BCAS3: variants seen among roughly 807,000 people sequenced by gnomAD.
BCAS3 encodes BCAS4/BCAS3 fusion.
A neutral mutation model predicts 116.1 loss-of-function variants in BCAS3; 53 were observed. That is an observed-to-expected ratio of 0.46 (90% confidence interval 0.37 to 0.57). The LOEUF (loss-of-function observed/expected upper bound fraction) is 0.57, where lower values mean the gene tolerates loss of function less well. Ranked by LOEUF, BCAS3 falls within the 20% of genes least tolerant of loss-of-function variation. The pLI is 0.00. For synonymous variants in BCAS3, 391 were observed against 408.2 expected, an observed-to-expected ratio of 0.96 and a Z score of 0.51; for missense variants, 917 against 1,165.4, an observed-to-expected ratio of 0.79 and a Z score of 3.10.
intron 22 of BCAS3, among the ~76,000 whole-genome samples, chr17:61,330,478 G>T (rs571070302): frequency 6.6e-6 from 1 of 152,204 alleles, no homozygotes; most frequent in Non-Finnish European, 1.5e-5. Flanking sequence ...GCCCCCAAAT[G>T]CAGGCCTTCA....
intron 22 of BCAS3, among the ~76,000 whole-genome samples, chr17:61,089,855 A>G (rs1667659657): frequency 6.6e-6 from 1 of 151,956 alleles, no homozygotes; most frequent in Non-Finnish European, 1.5e-5. Flanking sequence ...TTCTAAGATT[A>G]TATTTCACTG....
intron 13 of BCAS3, among the ~76,000 whole-genome samples, chr17:60,934,809 G>A (rs1317773772): frequency 6.6e-6 from 1 of 152,098 alleles, no homozygotes; most frequent in Non-Finnish European, 1.5e-5. Flanking sequence ...CCTGTGGTCG[G>A]GAGCAGTGAG....
At chr17:60,710,555 T>C (rs1029853142) in intron 5 of BCAS3, among the ~76,000 whole-genome samples, 7 of 151,218 alleles carry the variant, frequency 4.6e-5, no homozygotes, top group South Asian at 4.2e-4. Context: ...CCTCAGCCTC[T>C]CAAGTAGCTG....
intron 22 of BCAS3, among the ~76,000 whole-genome samples, chr17:61,184,465 A>T (rs756498218): frequency 6.6e-6 from 1 of 152,192 alleles, no homozygotes; most frequent in Non-Finnish European, 1.5e-5. Flanking sequence ...GCTGGTGAGG[A>T]TGTGAAGAAA....
chr17:61,006,748 T>G (rs2064743869), intron 15 of BCAS3, among the ~76,000 whole-genome samples: 1 of 152,050 alleles, frequency 6.6e-6, no homozygotes, highest in African/African-American at 2.4e-5. Context: ...AGTGGGAAAT[T>G]TTGAGGGTGC....
Position 61,346,985 on chromosome 17 carries a change from C to T in BCAS3, c.2426-21342C>T, listed in dbSNP as rs978675009. The stretch of plus-strand genomic sequence containing the variant: ...GGTCTGAAATATGCCAGATCACTGA[C>T]CTCTCCCTGTGTCCTGTTTTGCCCC... On this transcript the variant is annotated intron_variant, in intron 22 of 23. Transcript: ENST00000407086. The surrounding 1 kb of genome is among the most constrained non-coding windows in gnomAD (Gnocchi z 5.4). Among the ~76,000 whole-genome samples, 1 of 152,214 alleles carries T rather than the reference C, an allele frequency of 6.6e-6. No homozygotes were observed. Among genetic ancestry groups the T allele is most frequent in the Non-Finnish European group, 1.5e-5 (1 of 68,040 alleles).
intron 12 of BCAS3, among the ~76,000 whole-genome samples, chr17:60,921,719 A>G (rs1364600732): frequency 6.6e-6 from 1 of 151,752 alleles, no homozygotes; most frequent in Non-Finnish European, 1.5e-5. Flanking sequence ...AAGGAGGAGT[A>G]TGGGTTCCTA....
chr17:60,921,449 T>C (rs1429640777), intron 12 of BCAS3, among the ~76,000 whole-genome samples: 2 of 151,628 alleles, frequency 1.3e-5, no homozygotes, highest in Non-Finnish European at 2.9e-5. Flanking sequence ...CCGTCTCTAC[T>C]AAAAATACAA....
Position 61,105,498 on chromosome 17 carries a change from C to G in BCAS3, c.2425+20934C>G, listed in dbSNP as rs2074587201. On this transcript the variant is annotated intron_variant, in intron 22 of 23. Transcript: ENST00000407086. The surrounding 1 kb of genome is among the most constrained non-coding windows in gnomAD (Gnocchi z 4.3). ...GCAGTGCAATGGCGCGACCTTGGCTCAAAGCAAGCTCTGTCTCCTAGATTC... is the reference window on the plus strand; with the variant it reads ...GCAGTGCAATGGCGCGACCTTGGCTGAAAGCAAGCTCTGTCTCCTAGATTC... Among the ~76,000 whole-genome samples the G allele has an allele frequency of 6.6e-6, 1 of 152,212 alleles. No individual in the cohort carries two copies. The highest frequency in any genetic ancestry group is 2.1e-4 in the South Asian group (1 of 4,836).
intron 22 of BCAS3, among the ~76,000 whole-genome samples, chr17:61,117,362 G>A (rs923049445): frequency 1.3e-5 from 2 of 152,078 alleles, no homozygotes; most frequent in South Asian, 2.1e-4. Flanking sequence ...GAAGTCTGAG[G>A]CAGGAGAATT....
At chr17:61,160,673 A>G (rs1196570694) in intron 22 of BCAS3, among the ~76,000 whole-genome samples, 2 of 152,284 alleles carry the variant, frequency 1.3e-5, no homozygotes, top group East Asian at 1.9e-4. Flanking sequence ...TTTACCATCT[A>G]TGCCTCCAAA....
At chr17:61,046,682 G>T (rs1213393109) in intron 19 of BCAS3, among the ~76,000 whole-genome samples, 1 of 151,622 alleles carries the variant, frequency 6.6e-6, no homozygotes, top group African/African-American at 2.4e-5. Context: ...TTTTCAGCCT[G>T]TGGTTGGTTG....
At chr17:60,965,380 C>G (rs2061605618) in intron 14 of BCAS3, among the ~76,000 whole-genome samples, 1 of 151,962 alleles carries the variant, frequency 6.6e-6, no homozygotes, top group South Asian at 2.1e-4. Flanking sequence ...CGCCACCACA[C>G]CTGGCTAATT....
Position 61,205,903 on chromosome 17 carries a change from C to G in BCAS3, c.2425+121339C>G, listed in dbSNP as rs947359415. 6.6e-6 allele frequency among the ~76,000 whole-genome samples: 1 copy of G among 152,136 alleles called. No homozygotes were observed. ...AAGGCAAACACAACCAAAAAGACAG[C>G]CCTTTTGCTTAGTTAGGAAGATAAT... is the stretch of plus-strand genomic sequence containing the variant. On this transcript the variant is annotated intron_variant, in intron 22 of 23. Coordinates refer to ENST00000407086, the MANE Select transcript of BCAS3 (RefSeq NM_017679.5). The surrounding 1 kb of genome is among the most constrained non-coding windows in gnomAD (Gnocchi z 5.2).
chr17:61,055,912 A>G (rs145899818), intron 19 of BCAS3, among the ~76,000 whole-genome samples: 293 of 152,302 alleles, frequency 1.9e-3, no homozygotes, highest in Non-Finnish European at 2.8e-3. Context: ...CCTTGGATAT[A>G]GTGAATGGAG....
rs1303415277 is a variant in BCAS3, at chr17:61,337,262, A to G, written c.2426-31065A>G. Among the ~76,000 whole-genome samples the G allele has an allele frequency of 6.6e-6, 1 of 152,232 alleles. No homozygotes were observed. Among genetic ancestry groups the G allele is most frequent in the Non-Finnish European group, 1.5e-5 (1 of 68,042 alleles). ...AGTGTCTGTAAATAGAGGCAGTTGCAGGTTCACGTATCTTGGGAAGTTATT... is the reference window on the plus strand; with the variant it reads ...AGTGTCTGTAAATAGAGGCAGTTGCGGGTTCACGTATCTTGGGAAGTTATT... On this transcript the variant is annotated intron_variant, in intron 22 of 23. Transcript: ENST00000407086. The surrounding 1 kb of genome is among the most constrained non-coding windows in gnomAD (Gnocchi z 4.8).
intron 7 of BCAS3, among the ~76,000 whole-genome samples, chr17:60,818,416 G>C (rs889859102): frequency 6.6e-6 from 1 of 152,092 alleles, no homozygotes; most frequent in African/African-American, 2.4e-5. Context: ...TTATTTCAAC[G>C]TTTGTCTAAT....
chr17:60,816,288 T>C lies in BCAS3; in HGVS notation c.476+8212T>C, dbSNP rs1209564220. Among the ~76,000 whole-genome samples, 80 of 150,786 alleles carry C rather than the reference T, an allele frequency of 5.3e-4. 2 individuals carry two copies. The highest frequency in any genetic ancestry group is 1.8e-3 in the African/African-American group (73 of 40,718). ...TCTTTCTTTTTCTTTTCTTTTTTTTTTTTTTGAGACGGAGTCTTGCTCTGT... is the reference window on the plus strand; with the variant it reads ...TCTTTCTTTTTCTTTTCTTTTTTTTCTTTTTGAGACGGAGTCTTGCTCTGT... On this transcript the variant is annotated intron_variant, in intron 7 of 23. Transcript: ENST00000407086.
intron 22 of BCAS3, among the ~76,000 whole-genome samples, chr17:61,237,556 C>T (rs1396152627): frequency 2.6e-5 from 4 of 152,210 alleles, no homozygotes; most frequent in African/African-American, 9.7e-5. Flanking sequence ...TCCTTGCCAC[C>T]TTTAAGAGCT....
Sources: allele counts gnomAD v4.1 joint callset (sites outside exome capture counted in the v4.1 genomes callset), GRCh38; gene constraint gnomAD v4.1.1; non-coding constraint Gnocchi (gnomAD v3.1); transcripts MANE v1.5; gene names NCBI Gene and HGNC (gene_info 2026-07-23, HGNC 2026-07-21).